Variants in PIEZO2 observed in about 807,000 individuals in gnomAD.
PIEZO2 encodes the protein piezo-type mechanosensitive ion channel component 2.
A neutral mutation model predicts 337.3 loss-of-function variants in PIEZO2; 172 were observed. The ratio of observed to expected loss-of-function variants is 0.51; its 90% CI spans 0.45 to 0.58. The LOEUF (loss-of-function observed/expected upper bound fraction) is 0.58. PIEZO2 is among the 20% of genes least tolerant of loss of function. The pLI, the probability that PIEZO2 is intolerant of heterozygous loss-of-function variation, is 0.00. For missense variants in PIEZO2, 3,028 were observed against 3,391.3 expected, an observed-to-expected ratio of 0.89 and a Z score of 2.66; for synonymous variants, 1,251 against 1,228.5, an observed-to-expected ratio of 1.02 and a Z score of -0.38.
Position 10,761,024 on chromosome 18 carries a change from C to A in PIEZO2, c.3337G>T (p.Ala1113Ser). The A allele has an allele frequency of 6.5e-7, 1 of 1,536,738 alleles. No homozygotes were observed. Among genetic ancestry groups the A allele is most frequent in the Non-Finnish European group, 8.7e-7 (1 of 1,146,446 alleles). Residue 1113 changes from alanine to serine, a missense_variant, in exon 24 of 56, where the codon GCC (alanine) becomes TCC (serine). Physicochemically the swap from Ala to Ser is moderately conservative, Grantham distance 99. Coordinates refer to ENST00000674853, the MANE Select transcript of PIEZO2 (RefSeq NM_001378183.1). ...TGAAAGATAGTTCTAGACACAGGGG[C>A]CGTCAGGTTATTTCGACCTCGATAG... ...EYYRGRNNLTAPVSRTIFHDI... is the reference protein window; with the variant it reads ...EYYRGRNNLTSPVSRTIFHDI...
In PIEZO2 at chr18:11,127,803, A is replaced by ATATGTGTGTG. The variant is rs149768854; in HGVS notation, c.64+20721_64+20722insCACACACATA. 2.1e-3 allele frequency among the ~76,000 whole-genome samples: 306 copies of ATATGTGTGTG among 146,826 alleles called. No homozygotes were observed. The highest frequency in any genetic ancestry group is 0.011 in the Middle Eastern group (3 of 280). On this transcript the variant is annotated intron_variant, in intron 1 of 55. Coordinates refer to ENST00000674853, the MANE Select transcript of PIEZO2 (RefSeq NM_001378183.1). The surrounding 1 kb of genome is among the most constrained non-coding windows in gnomAD (Gnocchi z 4.5). ...TGCATATACGTGTGTGTGTGTGTGCATGTGTGTGTGTGTGTGTGTGTGTAT... is the reference window on the plus strand; with the variant it reads ...TGCATATACGTGTGTGTGTGTGTGCATATGTGTGTGTGTGTGTGTGTGTGTGTGTGTGTAT...
chr18:10,849,475 A>G (rs931956139), intron 7 of PIEZO2, among the ~76,000 whole-genome samples: 1 of 152,234 alleles, frequency 6.6e-6, no homozygotes, highest in Non-Finnish European at 1.5e-5. Flanking sequence ...GAGGCCACAG[A>G]TTCCCAGTAG....
intron 7 of PIEZO2, among the ~76,000 whole-genome samples, chr18:10,836,933 A>C (rs1347598256): frequency 2.6e-5 from 4 of 152,186 alleles, no homozygotes. Context: ...GCCAAGAAAA[A>C]TGTATTTATT....
intron 1 of PIEZO2, among the ~76,000 whole-genome samples, chr18:11,089,637 A>C (rs1243803844): frequency 6.6e-6 from 1 of 152,130 alleles, no homozygotes; most frequent in East Asian, 1.9e-4. Context: ...CCATTACAGG[A>C]TTTTCCAATT....
chr18:11,120,356 T>C (rs1310207751), intron 1 of PIEZO2, among the ~76,000 whole-genome samples: 1 of 152,204 alleles, frequency 6.6e-6, no homozygotes, highest in Non-Finnish European at 1.5e-5. Flanking sequence ...TGATTTGCAT[T>C]GTTAGCTAAA....
At chr18:10,950,430 G>T (rs2033239819) in intron 3 of PIEZO2, among the ~76,000 whole-genome samples, 1 of 151,638 alleles carries the variant, frequency 6.6e-6, no homozygotes, top group Admixed American at 6.6e-5. Context: ...CAGAATGGAA[G>T]ACAAGGACTG....
intron 1 of PIEZO2, among the ~76,000 whole-genome samples, chr18:11,144,985 C>T (rs970014824): frequency 1.3e-5 from 2 of 152,036 alleles, no homozygotes; most frequent in Non-Finnish European, 2.9e-5. Flanking sequence ...AAATCATATA[C>T]CTAAAGACGG....
At chr18:10,891,149 C>T (rs184689871) in intron 4 of PIEZO2, among the ~76,000 whole-genome samples, 1 of 152,014 alleles carries the variant, frequency 6.6e-6, no homozygotes, top group Non-Finnish European at 1.5e-5. Context: ...CATGGTGAAA[C>T]CCTGTCTCTA....
chr18:11,118,773 G>C (rs1009217980), intron 1 of PIEZO2, among the ~76,000 whole-genome samples: 5 of 151,428 alleles, frequency 3.3e-5, no homozygotes, highest in East Asian at 1.9e-4. Flanking sequence ...AAAAAACAGA[G>C]AGAGAGAGCG....
chr18:11,059,249 G>C (rs1344974891), intron 2 of PIEZO2, among the ~76,000 whole-genome samples: 1 of 152,130 alleles, frequency 6.6e-6, no homozygotes, highest in Non-Finnish European at 1.5e-5. Flanking sequence ...AAGAGCTCCT[G>C]AAGGAAGCAC....
At chr18:11,088,450 T>C (rs7241746) in intron 1 of PIEZO2, among the ~76,000 whole-genome samples, 12,566 of 152,330 alleles carry the variant, frequency 0.082, 558 homozygotes, top group Middle Eastern at 0.2. Context: ...GGGATATTCA[T>C]AGGAGAACCC....
intron 1 of PIEZO2, among the ~76,000 whole-genome samples, chr18:11,073,729 C>T (rs1220103701): frequency 1.3e-5 from 2 of 152,016 alleles, no homozygotes; most frequent in Non-Finnish European, 2.9e-5. Context: ...TCCAAAACTA[C>T]GAGAGCTTTA....
At chr18:10,848,792 C>G (rs762241297) in intron 7 of PIEZO2, among the ~76,000 whole-genome samples, 2 of 152,152 alleles carry the variant, frequency 1.3e-5, no homozygotes, top group Non-Finnish European at 2.9e-5. Flanking sequence ...TGAACATATG[C>G]TAAATGTTCA....
At chr18:10,938,271 T>G (rs1032802603) in intron 3 of PIEZO2, among the ~76,000 whole-genome samples, 1 of 152,222 alleles carries the variant, frequency 6.6e-6, no homozygotes, top group Non-Finnish European at 1.5e-5. Flanking sequence ...CTATGTTTCT[T>G]TGCAAAACTT....
At chr18:11,117,786 T>C (rs1044141271) in intron 1 of PIEZO2, among the ~76,000 whole-genome samples, 1 of 152,214 alleles carries the variant, frequency 6.6e-6, no homozygotes, top group East Asian at 1.9e-4. Flanking sequence ...GGTGTCAGTC[T>C]TCAGCGGGAG....
In PIEZO2 at chr18:10,725,588, T is replaced by A. The variant is rs1489631932; in HGVS notation, c.5029+5819A>T. ...CCCTGTCCCTCCTGAGGTCGGGGCT[T>A]TCCCTTCCTGAGCAGCCGCCTCCGC... On this transcript the variant is annotated intron_variant, in intron 36 of 55. Transcript: ENST00000674853. The A allele has an allele frequency of 3.7e-6, 5 of 1,349,676 alleles. No individual in the cohort carries two copies. The Admixed American group carries it at 1.2e-4, about 31-fold the overall frequency. 83.6% of individuals were successfully genotyped at this position (1,349,676 alleles called of 1,614,324 possible). A position where few individuals can be genotyped will look rare whatever the true frequency, so the allele number is the denominator to read the frequency against.
chr18:10,977,443 C>G (rs1426678571), intron 3 of PIEZO2, among the ~76,000 whole-genome samples: 1 of 151,992 alleles, frequency 6.6e-6, no homozygotes, highest in Admixed American at 6.6e-5. Context: ...TTATAAGATT[C>G]TTCCTTATGG....
intron 3 of PIEZO2, among the ~76,000 whole-genome samples, chr18:10,956,696 C>T (rs936068013): frequency 2.0e-5 from 3 of 152,264 alleles, no homozygotes; most frequent in East Asian, 1.9e-4. Context: ...CCAGGCCAGG[C>T]GCAGTGGCTC....
chr18:11,082,105 GAAAGTTTGA>G (rs1331963366), intron 1 of PIEZO2, among the ~76,000 whole-genome samples: 5 of 151,976 alleles, frequency 3.3e-5, no homozygotes, highest in Non-Finnish European at 5.9e-5. Context: ...AAATGGGGAG[GAAAGTTTGA>G]AAACTAAACT....
Sources: gnomAD v4.1 joint callset for allele counts (sites outside exome capture counted in the v4.1 genomes callset) on GRCh38, gnomAD v4.1.1 for gene constraint, Gnocchi (gnomAD v3.1) non-coding constraint, MANE v1.5 for transcripts, NCBI Gene and HGNC (gene_info 2026-07-23, HGNC 2026-07-21) for gene names.